Variants in INSC observed in about 807,000 individuals in gnomAD.
INSC encodes INSC spindle orientation adaptor protein, also known as protein inscuteable homolog.
A neutral mutation model predicts 58.6 loss-of-function variants in INSC; 67 were observed. That is an observed-to-expected ratio of 1.14 (90% CI 0.94 to 1.40). The LOEUF is 1.40. Among genes scored for constraint, INSC ranks in the 40% most tolerant of loss-of-function variants. The pLI is 0.00. For synonymous variants in INSC, 262 were observed against 276.1 expected, an observed-to-expected ratio of 0.95 and a Z score of 0.51; for missense variants, 714 against 692.0, an observed-to-expected ratio of 1.03 and a Z score of -0.36.
chr11:15,157,621 C>T (rs1047876881), intron 2 of INSC, among the ~76,000 whole-genome samples: 1 of 152,130 alleles, frequency 6.6e-6, no homozygotes, highest in Non-Finnish European at 1.5e-5. Context: ...CCCAGAGAGT[C>T]AGCGAGCTAA....
intron 2 of INSC, among the ~76,000 whole-genome samples, chr11:15,171,738 A>G (rs1477916229): frequency 6.6e-6 from 1 of 152,226 alleles, no homozygotes; most frequent in Non-Finnish European, 1.5e-5. Context: ...AGCAATAGAA[A>G]TTAACTCTTG....
intron 6 of INSC, among the ~76,000 whole-genome samples, chr11:15,199,516 G>A (rs1850497491): frequency 6.6e-6 from 1 of 152,164 alleles, no homozygotes; most frequent in Non-Finnish European, 1.5e-5. Flanking sequence ...TTGCCCATTC[G>A]TTGTTTTATC....
chr11:15,227,493 A>G (rs1475498608), intron 9 of INSC, among the ~76,000 whole-genome samples: 2 of 152,252 alleles, frequency 1.3e-5, no homozygotes, highest in Admixed American at 6.5e-5. Context: ...AAAGAAGAGC[A>G]TGAGTAGTGA....
chr11:15,200,949 G>C lies in INSC; in HGVS notation c.819G>C (p.Lys273Asn). 6.3e-7 allele frequency: 1 copy of C among 1,599,548 alleles called. No individual in the cohort carries two copies. Among genetic ancestry groups the C allele is most frequent in the South Asian group, 1.1e-5 (1 of 89,144 alleles). Residue 273 changes from lysine (K) to asparagine (N), a missense_variant and splice_region_variant, in exon 7 of 13, where the codon AAG becomes AAC. Lys to Asn is a moderately conservative substitution (Grantham distance 94, BLOSUM62 0). Transcript: ENST00000379556. ...AAGAGGGTGTCCACCAGCTGGAGAA[G>C]GTAAGGACAGCTGGCTGGGTGGTGC... The part of the protein sequence containing the change: ...CVEEGVHQLE[K>N]VDGVLCLADI...
At chr11:15,180,686 G>GA (rs779831186) in intron 5 of INSC, among the ~76,000 whole-genome samples, 1 of 91,076 alleles carries the variant, frequency 1.1e-5, no homozygotes, top group Non-Finnish European at 2.1e-5. Flanking sequence ...TAGGAGTGAG[G>GA]GGGGGGGCGG....
chr11:15,123,637 C>T (rs1429872900), intron 1 of INSC, among the ~76,000 whole-genome samples: 52 of 152,176 alleles, frequency 3.4e-4, no homozygotes, highest in Non-Finnish European at 5.3e-4. Context: ...TTTTGGGAGG[C>T]TGGTGACAGG....
At chr11:15,259,469 C>T in the INSC span, among the ~76,000 whole-genome samples, 1 of 152,118 alleles carries the variant, frequency 6.6e-6, no homozygotes, top group Non-Finnish European at 1.5e-5. Flanking sequence ...TAAAATGTTT[C>T]TCTTTTACTC....
intron 5 of INSC, 83 bp from the exon 6 acceptor site, chr11:15,190,618 A>G (rs1850129123): frequency 5.5e-6 from 5 of 907,826 alleles, no homozygotes; most frequent in Non-Finnish European, 9.3e-6. Flanking sequence ...TGTTAGGAGC[A>G]TGGGCCCACT....
downstream of INSC, among the ~76,000 whole-genome samples, chr11:15,252,205 T>C (rs1247431695): frequency 1.3e-5 from 2 of 152,104 alleles, no homozygotes; most frequent in Non-Finnish European, 2.9e-5. Flanking sequence ...AGTCGATTAG[T>C]TGTTGTCAGG....
intron 1 of INSC, among the ~76,000 whole-genome samples, chr11:15,115,823 T>C (rs1847679269): frequency 6.6e-6 from 1 of 152,258 alleles, no homozygotes; most frequent in African/African-American, 2.4e-5. Context: ...CATGTATACC[T>C]GTGGACAACG....
At chr11:15,181,823 C>T (rs1015060583) in intron 5 of INSC, among the ~76,000 whole-genome samples, 2 of 152,170 alleles carry the variant, frequency 1.3e-5, no homozygotes, top group African/African-American at 2.4e-5. Flanking sequence ...TTCTACTTAC[C>T]TATATTGGGC....
At chr11:15,156,612 T>A (rs186328402) in intron 2 of INSC, among the ~76,000 whole-genome samples, 6 of 152,298 alleles carry the variant, frequency 3.9e-5, no homozygotes, top group Admixed American at 3.9e-4. Flanking sequence ...CCCAATCAAT[T>A]TTAGCTTTAT....
intron 1 of INSC, among the ~76,000 whole-genome samples, chr11:15,131,508 T>TC (rs1448676026): frequency 6.6e-6 from 1 of 152,132 alleles, no homozygotes; most frequent in Admixed American, 6.5e-5. Flanking sequence ...CATTCAAATA[T>TC]CCTATATCCT....
chr11:15,132,082 A>G (rs1848138809), intron 1 of INSC, among the ~76,000 whole-genome samples: 1 of 151,690 alleles, frequency 6.6e-6, no homozygotes, highest in Non-Finnish European at 1.5e-5. Flanking sequence ...CTCTTTCTCC[A>G]TGTCTGTTCT....
the INSC span, among the ~76,000 whole-genome samples, chr11:15,266,965 T>A: frequency 2.0e-5 from 3 of 152,004 alleles, no homozygotes; most frequent in Non-Finnish European, 2.9e-5. Flanking sequence ...TATTATTGCA[T>A]GTTTTATTCC....
chr11:15,245,478 T>C (rs1852525806), intron 12 of INSC, among the ~76,000 whole-genome samples: 1 of 152,158 alleles, frequency 6.6e-6, no homozygotes, highest in Admixed American at 6.5e-5. Context: ...TTGCCAGGTG[T>C]TGAATTTCTC....
At chr11:15,199,554 C>T (rs771419019) in intron 6 of INSC, among the ~76,000 whole-genome samples, 2 of 152,214 alleles carry the variant, frequency 1.3e-5, no homozygotes, top group Non-Finnish European at 2.9e-5. Flanking sequence ...TCTCAGCACA[C>T]ATGGAACTGA....
intron 2 of INSC, among the ~76,000 whole-genome samples, chr11:15,159,496 T>C (rs1378293147): frequency 6.6e-6 from 1 of 152,230 alleles, no homozygotes; most frequent in Non-Finnish European, 1.5e-5. Flanking sequence ...TCAAATCCCA[T>C]GTTACTGCCA....
chr11:15,176,270 C>T (rs887752988), intron 3 of INSC, among the ~76,000 whole-genome samples, 184 bp downstream of exon 3: 2 of 151,882 alleles, frequency 1.3e-5, no homozygotes, highest in African/African-American at 4.8e-5. Flanking sequence ...GGACATTGTG[C>T]TAGGTGTTTT....
Sources: allele counts gnomAD v4.1 joint callset (sites outside exome capture counted in the v4.1 genomes callset), GRCh38; gene constraint gnomAD v4.1.1; transcripts MANE v1.5; gene names NCBI Gene and HGNC (gene_info 2026-07-23, HGNC 2026-07-21).